Variants in ZNF385D observed in about 807,000 individuals in gnomAD.
ZNF385D encodes zinc finger protein 385D, also known as zinc finger protein 659.
A neutral mutation model predicts 35.8 loss-of-function variants in ZNF385D; 15 were observed. The ratio of observed to expected loss-of-function variants is 0.42; its 90% CI spans 0.28 to 0.64. The LOEUF (loss-of-function observed/expected upper bound fraction) is 0.64, where lower values mean the gene tolerates loss of function less well. Among genes scored for constraint, ZNF385D ranks in the 30% least tolerant of loss-of-function variants. The pLI, the probability that ZNF385D is intolerant of heterozygous loss-of-function variation, is 0.23. For synonymous variants in ZNF385D, 212 were observed against 186.8 expected (o/e 1.13, Z -1.10); for missense variants, 474 against 494.6 (o/e 0.96, Z 0.39).
At chr3:22,227,906 A>T (rs1390738090) in intron 2 of ZNF385D, among the ~76,000 whole-genome samples, 1 of 152,166 alleles carries the variant, frequency 6.6e-6, no homozygotes, top group African/African-American at 2.4e-5. Flanking sequence ...CTCTGCAAGG[A>T]GTACCTCTGC....
At chr3:22,026,905 G>A (rs1293588733) in intron 3 of ZNF385D, among the ~76,000 whole-genome samples, 1 of 152,160 alleles carries the variant, frequency 6.6e-6, no homozygotes, top group Non-Finnish European at 1.5e-5. Context: ...GGAGAATGGT[G>A]GTGGATTATT....
At chr3:22,203,793 T>C (rs1209977594) in intron 2 of ZNF385D, among the ~76,000 whole-genome samples, 1 of 152,132 alleles carries the variant, frequency 6.6e-6, no homozygotes, top group Admixed American at 6.6e-5. Flanking sequence ...CTTTGTCTTA[T>C]GGTTTCAGTA....
At chr3:21,877,135 C>T (rs1244461573) in intron 3 of ZNF385D, among the ~76,000 whole-genome samples, 1 of 152,044 alleles carries the variant, frequency 6.6e-6, no homozygotes. Context: ...AAAGGCAAAA[C>T]TTACCATGTG....
chr3:21,542,789 G>GCA (rs1330002744), intron 3 of ZNF385D: 1 of 152,220 alleles, frequency 6.6e-6, no homozygotes, highest in Non-Finnish European at 1.5e-5. Flanking sequence ...GCCTCGATCG[G>GCA]GGAACTCTGA....
chr3:21,462,588 T>G (rs1703242992), intron 4 of ZNF385D, among the ~76,000 whole-genome samples: 1 of 152,048 alleles, frequency 6.6e-6, no homozygotes, highest in African/African-American at 2.4e-5. Context: ...ATAAAGCAGG[T>G]TAAAAGACAA....
chr3:22,193,248 T>C (rs1378721448), intron 2 of ZNF385D, among the ~76,000 whole-genome samples: 1 of 152,160 alleles, frequency 6.6e-6, no homozygotes, highest in East Asian at 1.9e-4. Flanking sequence ...TTTCACAGTG[T>C]AGCCCTTAGT....
chr3:22,265,921 G>A (rs1445876325), intron 2 of ZNF385D, among the ~76,000 whole-genome samples: 1 of 151,866 alleles, frequency 6.6e-6, no homozygotes. Flanking sequence ...GTTATGATCT[G>A]AACCCAGTTC....
intron 3 of ZNF385D, among the ~76,000 whole-genome samples, chr3:21,871,498 T>C (rs1697688661): frequency 6.6e-6 from 1 of 152,156 alleles, no homozygotes. Context: ...TCCATTTCCA[T>C]GGTTTTGAAA....
chr3:22,105,792 G>A (rs1395531712), intron 3 of ZNF385D, among the ~76,000 whole-genome samples: 1 of 152,112 alleles, frequency 6.6e-6, no homozygotes, highest in African/African-American at 2.4e-5. Flanking sequence ...TTCCAAAGGT[G>A]CTGTTTTTGA....
At chr3:22,192,506 T>C (rs1284615961) in intron 2 of ZNF385D, among the ~76,000 whole-genome samples, 1 of 152,126 alleles carries the variant, frequency 6.6e-6, no homozygotes, top group East Asian at 1.9e-4. Context: ...ACTTCTGCCT[T>C]ACACTGTTTG....
At chr3:21,657,098 A>G (rs2066094516) in intron 2 of ZNF385D, among the ~76,000 whole-genome samples, 1 of 151,858 alleles carries the variant, frequency 6.6e-6, no homozygotes, top group African/African-American at 2.4e-5. Flanking sequence ...TTATGCCTCG[A>G]TCTTTAATGA....
At chr3:21,964,618 T>A (rs897719954) in intron 3 of ZNF385D, among the ~76,000 whole-genome samples, 3 of 151,312 alleles carry the variant, frequency 2.0e-5, no homozygotes, top group African/African-American at 4.8e-5. Flanking sequence ...GCCTCCTGAG[T>A]AACTGGGTTT....
intron 2 of ZNF385D, among the ~76,000 whole-genome samples, chr3:21,576,750 G>A (rs2063506887): frequency 6.6e-6 from 1 of 152,022 alleles, no homozygotes; most frequent in South Asian, 2.1e-4. Context: ...TTATAAATGA[G>A]AAAAGCTACA....
intron 2 of ZNF385D, among the ~76,000 whole-genome samples, chr3:22,239,726 C>T (rs925756264): frequency 6.6e-6 from 1 of 150,836 alleles, no homozygotes; most frequent in Non-Finnish European, 1.5e-5. Flanking sequence ...AGTGCAAATT[C>T]AAGTATGAAT....
chr3:22,370,593 T>G (rs1696858229), intron 2 of ZNF385D, among the ~76,000 whole-genome samples: 1 of 152,230 alleles, frequency 6.6e-6, no homozygotes, highest in African/African-American at 2.4e-5. Flanking sequence ...GCTCTCATTT[T>G]TCAAGTGAGG....
intron 1 of ZNF385D, among the ~76,000 whole-genome samples, chr3:21,700,565 A>G (rs924927856): frequency 1.3e-5 from 2 of 152,308 alleles, no homozygotes; most frequent in Admixed American, 1.3e-4. Flanking sequence ...AGAAGACCTA[A>G]GTACACTCTG....
Position 21,415,546 on chromosome 3 carries a change from C to T in ZNF385D, c.*5668G>A, listed in dbSNP as rs2125228071. The stretch of plus-strand genomic sequence containing the variant: ...TGAAAATAAAATGATTTTACCATGG[C>T]TTTGTAAAAGAATGACAGGTACTAA... On this transcript the variant is annotated 3_prime_UTR_variant, in exon 8 of 8. Coordinates refer to ENST00000281523, the MANE Select transcript of ZNF385D (RefSeq NM_024697.3). 1 of 152,104 alleles carries T rather than the reference C, an allele frequency of 6.6e-6. No homozygotes were observed. Among genetic ancestry groups the T allele is most frequent in the Non-Finnish European group, 1.5e-5 (1 of 67,954 alleles). The allele number at this position is 152,104 out of a possible 1,614,324, so 9.4% of individuals were successfully genotyped here.
intron 2 of ZNF385D, among the ~76,000 whole-genome samples, chr3:21,631,984 G>A (rs1055008479): frequency 6.6e-6 from 1 of 152,040 alleles, no homozygotes. Context: ...AAGTGTATTG[G>A]TATGATGTGT....
chr3:22,112,284 G>C (rs1444974585), intron 3 of ZNF385D, among the ~76,000 whole-genome samples: 3 of 152,078 alleles, frequency 2.0e-5, no homozygotes, highest in Admixed American at 1.3e-4. Context: ...GAATCTCATA[G>C]TCTGAAAAAT....
Sources: allele counts gnomAD v4.1 joint callset (sites outside exome capture counted in the v4.1 genomes callset), GRCh38; gene constraint gnomAD v4.1.1; transcripts MANE v1.5; gene names NCBI Gene and HGNC (gene_info 2026-07-23, HGNC 2026-07-21).